Variants in ATOH8 observed in about 807,000 individuals in gnomAD.
The protein encoded by ATOH8 is transcription factor ATOH8.
Under a neutral mutation model 21.2 loss-of-function variants are expected in ATOH8, and 9 were observed. The ratio of observed to expected loss-of-function variants is 0.42; its 90% CI spans 0.26 to 0.74. The LOEUF is 0.74. ATOH8 is among the 30% of genes least tolerant of loss of function. The pLI is 0.24. For synonymous variants in ATOH8, 253 were observed against 224.0 expected, an observed-to-expected ratio of 1.13 and a Z score of -1.16; for missense variants, 524 against 470.9, an observed-to-expected ratio of 1.11 and a Z score of -1.04.
At chr2:85,786,452 C>T (rs1680622302) in intron 2 of ATOH8, among the ~76,000 whole-genome samples, 1 of 152,190 alleles carries the variant, frequency 6.6e-6, no homozygotes, top group South Asian at 2.1e-4. Flanking sequence ...GGCCTTGTGA[C>T]TCCTAGGGCA....
In ATOH8 at chr2:85,789,535, G is replaced by A. The variant is rs186142856; in HGVS notation, c.*2645G>A. Among the ~76,000 whole-genome samples, 1 of 152,328 alleles carries A rather than the reference G, an allele frequency of 6.6e-6. No individual in the cohort carries two copies. ...GTGAGTAAAAGCTTTCTGAGCAGGGGAGTAGGAAAAGGGCTTTCTATGCAG... is the reference window on the plus strand; with the variant it reads ...GTGAGTAAAAGCTTTCTGAGCAGGGAAGTAGGAAAAGGGCTTTCTATGCAG... On this transcript the variant is annotated 3_prime_UTR_variant, in exon 3 of 3. Coordinates refer to ENST00000306279, the MANE Select transcript of ATOH8 (RefSeq NM_032827.7).
rs897145809 is a variant in ATOH8, at chr2:85,785,061, A to G, written c.961-1824A>G. Among the ~76,000 whole-genome samples the G allele has an allele frequency of 1.8e-4, 27 of 152,214 alleles. No individual in the cohort carries two copies. Among genetic ancestry groups the G allele is most frequent in the African/African-American group, 6.5e-4 (27 of 41,464 alleles). ...AGCTGTGGCTTCAGCGGGGACTAAG[A>G]GCCAACAGACGGCTTGGGGCTGGCC... is the stretch of plus-strand genomic sequence containing the variant. On this transcript the variant is annotated intron_variant, in intron 2 of 2. Transcript: ENST00000306279. The surrounding 1 kb of genome is among the most constrained non-coding windows in gnomAD (Gnocchi z 4.1).
At chr2:85,779,741 A>G (rs989703597) in intron 2 of ATOH8, among the ~76,000 whole-genome samples, 2 of 152,216 alleles carry the variant, frequency 1.3e-5, no homozygotes, top group Non-Finnish European at 2.9e-5. Flanking sequence ...TCAGGCCTCC[A>G]TTTCCTCATC....
chr2:85,781,004 G>A (rs976350223), intron 2 of ATOH8: 9 of 987,878 alleles, frequency 9.1e-6, no homozygotes, highest in African/African-American at 1.7e-5. Flanking sequence ...CAGGCTTTGC[G>A]CCTGTGCCCA....
At chr2:85,786,222 TC>T (rs2104539925) in intron 2 of ATOH8, among the ~76,000 whole-genome samples, 1 of 152,238 alleles carries the variant, frequency 6.6e-6, no homozygotes, top group African/African-American at 2.4e-5. Context: ...GGTCTCTGGG[TC>T]CCCCTTCCTC....
intron 2 of ATOH8, among the ~76,000 whole-genome samples, chr2:85,765,339 G>C (rs1007511669): frequency 3.3e-5 from 5 of 152,192 alleles, no homozygotes; most frequent in Admixed American, 1.3e-4. Context: ...CGGGTTTCCC[G>C]GAGGTCCCCC....
At chr2:85,770,540 G>A (rs1324586191) in intron 2 of ATOH8, among the ~76,000 whole-genome samples, 4 of 152,184 alleles carry the variant, frequency 2.6e-5, no homozygotes, top group African/African-American at 7.2e-5. Context: ...GACGTTTGTC[G>A]CCAGCTGTTT....
chr2:85,773,124 G>A (rs1222956445), intron 2 of ATOH8: 1 of 328,780 alleles, frequency 3.0e-6, no homozygotes, highest in Non-Finnish European at 5.9e-6. Context: ...CGAGAACAAT[G>A]TCTCCTCAGA....
chr2:85,780,700 G>A (rs1454584078), intron 2 of ATOH8, among the ~76,000 whole-genome samples: 1 of 152,216 alleles, frequency 6.6e-6, no homozygotes, highest in Non-Finnish European at 1.5e-5. Context: ...TTGAATAAAT[G>A]ACTTTTTCTC....
At chr2:85,755,764 G>T (rs1246131934) in intron 1 of ATOH8, among the ~76,000 whole-genome samples, 1 of 152,148 alleles carries the variant, frequency 6.6e-6, no homozygotes, top group Non-Finnish European at 1.5e-5. Flanking sequence ...TGGTGGGGCG[G>T]GACAATCGCT....
At chr2:85,770,803 C>T (rs904649345) in intron 2 of ATOH8, among the ~76,000 whole-genome samples, 5 of 152,310 alleles carry the variant, frequency 3.3e-5, no homozygotes, top group Non-Finnish European at 4.4e-5. Context: ...CTCCTCCTCT[C>T]TCTTTTTCCA....
intron 2 of ATOH8, among the ~76,000 whole-genome samples, chr2:85,786,017 C>T (rs954748984): frequency 3.9e-5 from 6 of 152,172 alleles, no homozygotes; most frequent in African/African-American, 1.4e-4. Context: ...TGACCTTGCC[C>T]CCTGTCCCAT....
rs1294139482 is a variant in ATOH8, at chr2:85,781,165, A to AAAAAT, written c.961-5720_961-5719insAAAAT. On this transcript the variant is annotated intron_variant, in intron 2 of 2. Transcript: ENST00000306279. ...AATTCCACTTTTCGTAAAATACTGT[A>AAAAAT]TGTGAGTACGCATATGCATGGGAAT... The AAAAAT allele has an allele frequency of 1.6e-5, 13 of 787,958 alleles. No individual in the cohort carries two copies. The East Asian group carries it at 1.4e-3, about 85-fold the overall frequency. 48.8% of individuals were successfully genotyped at this position (787,958 alleles called of 1,614,324 possible).
chr2:85,774,371 A>T (rs1458032999), intron 2 of ATOH8: 1 of 985,456 alleles, frequency 1.0e-6, no homozygotes, highest in African/African-American at 1.7e-5. Context: ...ACAGGGTGTC[A>T]GCAGGCCCTG....
chr2:85,777,465 G>A (rs934461909), intron 2 of ATOH8, among the ~76,000 whole-genome samples: 2 of 152,228 alleles, frequency 1.3e-5, no homozygotes, highest in Non-Finnish European at 2.9e-5. Context: ...GAAGGACCGA[G>A]AGGCTGGGGG....
intron 1 of ATOH8, among the ~76,000 whole-genome samples, chr2:85,757,926 C>T (rs1406894066): frequency 2.0e-5 from 3 of 151,822 alleles, no homozygotes; most frequent in South Asian, 2.1e-4. Context: ...GCTGGGATTA[C>T]AGGTGCGCAC....
intron 1 of ATOH8, among the ~76,000 whole-genome samples, chr2:85,758,075 C>T (rs1336004825): frequency 6.6e-6 from 1 of 152,200 alleles, no homozygotes; most frequent in Non-Finnish European, 1.5e-5. Context: ...GCATGAGCCA[C>T]TGTGCACAGC....
intron 2 of ATOH8, among the ~76,000 whole-genome samples, chr2:85,779,338 T>C (rs1020325474): frequency 6.6e-6 from 1 of 152,044 alleles, no homozygotes. Flanking sequence ...CTGATGGATA[T>C]GGAGAGAAAA....
rs1305004121 is a variant in ATOH8 at position 85,785,241 on chromosome 2, G to A, written c.961-1644G>A. On this transcript the variant is annotated intron_variant, in intron 2 of 2. Coordinates refer to ENST00000306279, the MANE Select transcript of ATOH8 (RefSeq NM_032827.7). This position sits in a 1 kb window ranked among gnomAD's most constrained non-coding sequence, Gnocchi z 4.1. ...CCCAGGCAGCCAGCGCCGGGATGAC[G>A]CGAGCTGTAAATCACCCCGTGGACC... is the stretch of plus-strand genomic sequence containing the variant. Among the ~76,000 whole-genome samples the A allele has an allele frequency of 2.6e-5, 4 of 152,244 alleles. No individual in the cohort carries two copies. Among genetic ancestry groups the A allele is most frequent in the South Asian group, 2.1e-4 (1 of 4,834 alleles).
Sources: gnomAD v4.1 joint callset for allele counts (sites outside exome capture counted in the v4.1 genomes callset) on GRCh38, gnomAD v4.1.1 for gene constraint, Gnocchi (gnomAD v3.1) non-coding constraint, MANE v1.5 for transcripts, NCBI Gene and HGNC (gene_info 2026-07-23, HGNC 2026-07-21) for gene names.